LARGE1: variants seen among roughly 807,000 people sequenced by gnomAD.
LARGE1 encodes the protein LARGE xylosyl- and glucuronyltransferase 1, also known as xylosyl- and glucuronyltransferase LARGE1.
LARGE1 carries 43 observed loss-of-function variants against 87.6 expected under a neutral mutation model. The ratio of observed to expected loss-of-function variants is 0.49; its 90% CI spans 0.38 to 0.63. The LOEUF (loss-of-function observed/expected upper bound fraction) is 0.63, where lower values mean the gene tolerates loss of function less well. Among genes scored for constraint, LARGE1 ranks in the 30% least tolerant of loss-of-function variants. The pLI, the probability that LARGE1 is intolerant of heterozygous loss-of-function variation, is 0.00. For missense variants in LARGE1, 802 were observed against 1,000.2 expected (o/e 0.80, Z 2.67); for synonymous variants, 434 against 394.6 (o/e 1.10, Z -1.18).
chr22:33,588,071 C>A (rs2078729636), intron 5 of LARGE1, among the ~76,000 whole-genome samples: 2 of 152,164 alleles, frequency 1.3e-5, no homozygotes, highest in South Asian at 4.1e-4. Flanking sequence ...ATCCTCCGTG[C>A]TGAATGAAAC....
rs372194490 is a variant in LARGE1 at position 33,762,436 on chromosome 22, G to A, written c.-82-878C>T. On this transcript the variant is annotated intron_variant, in intron 1 of 14. Coordinates refer to ENST00000397394, the MANE Select transcript of LARGE1 (RefSeq NM_133642.5). ...GCAGAGGAGACTGAGAAAGGCAATG[G>A]TATCGACTAAAGAGCACATGCCAAG... Among the ~76,000 whole-genome samples, 25 of 152,106 alleles carry A rather than the reference G, an allele frequency of 1.6e-4. No homozygotes were observed. The South Asian group carries it at 5.2e-3, about 32-fold the overall frequency.
intron 2 of LARGE1, among the ~76,000 whole-genome samples, chr22:33,659,669 T>G (rs2081064040): frequency 6.6e-6 from 1 of 151,034 alleles, no homozygotes; most frequent in East Asian, 2.0e-4. Flanking sequence ...GGAAGTTATC[T>G]TTGGCAACCA....
At chr22:33,729,477 G>A (rs951118767) in intron 2 of LARGE1, among the ~76,000 whole-genome samples, 1 of 152,200 alleles carries the variant, frequency 6.6e-6, no homozygotes, top group Non-Finnish European at 1.5e-5. Flanking sequence ...TTTACTTGCT[G>A]TGCTCAATAT....
rs2147019177 is a variant in LARGE1 at position 33,920,293 on chromosome 22, CCTGGGT to C, written c.-387_-382del. On this transcript the variant is annotated 5_prime_UTR_variant, in exon 1 of 15. Coordinates refer to ENST00000397394, the MANE Select transcript of LARGE1 (RefSeq NM_133642.5). ...CAGGGGCGCCCCGCATGGGCAGGGGCCTGGGTCAGCCTCGGGTTGGGTCCAGGGAGC... is the reference window on the plus strand; with the variant it reads ...CAGGGGCGCCCCGCATGGGCAGGGGCCAGCCTCGGGTTGGGTCCAGGGAGC... 6.5e-6 allele frequency: 1 copy of C among 152,678 alleles called. No homozygotes were observed. Among genetic ancestry groups the C allele is most frequent in the East Asian group, 1.9e-4 (1 of 5,148 alleles). The allele number at this position is 152,678 out of a possible 1,614,324, so 9.5% of individuals were successfully genotyped here.
chr22:33,079,684 T>C, the LARGE1 span, among the ~76,000 whole-genome samples: 3 of 152,194 alleles, frequency 2.0e-5, no homozygotes, highest in African/African-American at 7.2e-5. Flanking sequence ...CCCAGTTCGT[T>C]TAAGGAAACT....
chr22:33,494,281 G>C (rs886336383), intron 6 of LARGE1, among the ~76,000 whole-genome samples: 2 of 152,218 alleles, frequency 1.3e-5, no homozygotes, highest in Admixed American at 6.5e-5. Context: ...ATGTGCCTCA[G>C]TTTCCCTACC....
chr22:33,905,321 G>A (rs1468260312), intron 1 of LARGE1, among the ~76,000 whole-genome samples: 2 of 151,812 alleles, frequency 1.3e-5, no homozygotes, highest in African/African-American at 4.8e-5. Flanking sequence ...CTCCCACCTT[G>A]GCCTCTCAGT....
intron 9 of LARGE1, among the ~76,000 whole-genome samples, chr22:33,341,248 T>C (rs1191966598): frequency 6.6e-6 from 1 of 152,060 alleles, no homozygotes; most frequent in Non-Finnish European, 1.5e-5. Context: ...AGGTGCTGAC[T>C]ATGAACCGAA....
downstream of LARGE1, among the ~76,000 whole-genome samples, chr22:33,269,937 A>G (rs532348895): frequency 3.8e-4 from 58 of 151,580 alleles, 1 homozygote; most frequent in East Asian, 0.01. Context: ...CCTGGGAAGC[A>G]GAGCTTGCAG....
At chr22:33,449,620 T>G (rs1218763920) in intron 6 of LARGE1, among the ~76,000 whole-genome samples, 1 of 152,258 alleles carries the variant, frequency 6.6e-6, no homozygotes, top group Non-Finnish European at 1.5e-5. Context: ...ATTGGCTTCC[T>G]TAACATCCTC....
intron 7 of LARGE1, among the ~76,000 whole-genome samples, chr22:33,417,141 G>A (rs924871915): frequency 6.6e-6 from 1 of 151,536 alleles, no homozygotes; most frequent in Admixed American, 6.6e-5. Context: ...TCTTGACCTC[G>A]TGATCCGCCT....
At chr22:33,607,670 G>A (rs543730885) in intron 4 of LARGE1, among the ~76,000 whole-genome samples, 51 of 152,240 alleles carry the variant, frequency 3.3e-4, no homozygotes, top group Admixed American at 1.8e-3. Context: ...GTGAGTCTGG[G>A]ATTGGGCAAC....
chr22:33,251,573 C>A (rs1353121011), intron 11 of LARGE1, among the ~76,000 whole-genome samples: 1 of 152,170 alleles, frequency 6.6e-6, no homozygotes, highest in Non-Finnish European at 1.5e-5. Context: ...TTAAACTTAT[C>A]AATAGCAACT....
intron 12 of LARGE1, among the ~76,000 whole-genome samples, chr22:33,288,690 C>A (rs950748059): frequency 2.0e-5 from 3 of 152,020 alleles, no homozygotes; most frequent in African/African-American, 7.3e-5. Flanking sequence ...TAAAAAGTGT[C>A]CTAATTCCGA....
chr22:33,790,078 C>T (rs1319300152), intron 1 of LARGE1, among the ~76,000 whole-genome samples: 2 of 152,166 alleles, frequency 1.3e-5, no homozygotes, highest in African/African-American at 4.8e-5. Context: ...AATCCCCACA[C>T]ATCAAGGGCG....
At chr22:33,305,499 C>T in intron 11 of LARGE1, 2 of 748,442 alleles carry the variant, frequency 2.7e-6, no homozygotes, top group African/African-American at 3.8e-5. Flanking sequence ...GGCTAAGAAA[C>T]AGCAAAAGCC....
intron 2 of LARGE1, among the ~76,000 whole-genome samples, chr22:33,728,221 G>A (rs769388207): frequency 1.3e-5 from 2 of 151,926 alleles, no homozygotes; most frequent in Non-Finnish European, 2.9e-5. Flanking sequence ...CCAGCCTACA[G>A]ACTCTTTATC....
chr22:33,407,145 C>T (rs1307116034), intron 7 of LARGE1, among the ~76,000 whole-genome samples: 1 of 151,892 alleles, frequency 6.6e-6, no homozygotes, highest in East Asian at 1.9e-4. Flanking sequence ...ATGCCAGGGA[C>T]CACTCTATTA....
intron 11 of LARGE1, among the ~76,000 whole-genome samples, chr22:33,251,502 T>C (rs529290479): frequency 4.6e-5 from 7 of 152,306 alleles, no homozygotes; most frequent in Non-Finnish European, 8.8e-5. Flanking sequence ...AACACTCCTG[T>C]GACATGATGG....
Sources: gnomAD v4.1 joint callset for allele counts (sites outside exome capture counted in the v4.1 genomes callset) on GRCh38, gnomAD v4.1.1 for gene constraint, MANE v1.5 for transcripts, NCBI Gene and HGNC (gene_info 2026-07-23, HGNC 2026-07-21) for gene names.